WSCD2: variants seen among roughly 807,000 people sequenced by gnomAD.
The protein encoded by WSCD2 is sialate:O-sulfotransferase 2.
A neutral mutation model predicts 55.7 loss-of-function variants in WSCD2; 28 were observed. The ratio of observed to expected loss-of-function variants is 0.50; its 90% CI spans 0.37 to 0.69. The LOEUF is 0.69. Ranked by LOEUF, WSCD2 falls within the 30% of genes least tolerant of loss-of-function variation. WSCD2 has a pLI of 0.00. For missense variants in WSCD2, 616 were observed against 762.1 expected (o/e 0.81, Z 2.26); for synonymous variants, 301 against 301.9 (o/e 1.00, Z 0.03).
At chr12:108,142,836 C>G (rs905138922) in intron 1 of WSCD2, among the ~76,000 whole-genome samples, 2 of 151,872 alleles carry the variant, frequency 1.3e-5, no homozygotes, top group African/African-American at 4.8e-5. Context: ...TCTTTAGAGA[C>G]AAGGTCTTGC....
Position 108,195,964 on chromosome 12 carries a change from T to G in WSCD2, c.132T>G (p.Ala44=). The change falls in exon 2 of 9, where the codon GCT becomes GCG. Residue 44 remains alanine, a synonymous_variant. Coordinates refer to ENST00000547525, the MANE Select transcript of WSCD2 (RefSeq NM_014653.4). ...ACTCTGGCTTTGTGGGCCAGCCCGC[T>G]GTCTCGGGGAACCAGGCGAACCCCG... ...FLHSGFVGQP[A]VSGNQANPAA... is the part of the protein sequence containing the mutation. 1.2e-6 allele frequency: 2 copies of G among 1,614,196 alleles called. No individual in the cohort carries two copies. Among genetic ancestry groups the G allele is most frequent in the Non-Finnish European group, 1.7e-6 (2 of 1,180,036 alleles).
intron 1 of WSCD2, among the ~76,000 whole-genome samples, chr12:108,156,180 T>C (rs79741842): frequency 6.6e-6 from 1 of 152,334 alleles, no homozygotes; most frequent in East Asian, 1.9e-4. Flanking sequence ...GCAGTAGATT[T>C]GGTTCTTCAC....
At chr12:108,235,695 G>A (rs575715712) in intron 7 of WSCD2, among the ~76,000 whole-genome samples, 3 of 152,196 alleles carry the variant, frequency 2.0e-5, no homozygotes, top group Non-Finnish European at 4.4e-5. Context: ...GCCTCAAGCT[G>A]TGACTAGTTA....
intron 8 of WSCD2, among the ~76,000 whole-genome samples, chr12:108,240,953 G>T (rs1465470935): frequency 2.0e-5 from 3 of 152,184 alleles, no homozygotes; most frequent in Non-Finnish European, 4.4e-5. Flanking sequence ...ACACTCAGTA[G>T]GTGTGACTTT....
chr12:108,161,860 C>T (rs1453255245), intron 1 of WSCD2, among the ~76,000 whole-genome samples: 1 of 152,180 alleles, frequency 6.6e-6, no homozygotes, highest in Non-Finnish European at 1.5e-5. Flanking sequence ...CTTTCCCACT[C>T]TGGGCCCTCA....
At chr12:108,165,697 C>A (rs972232370) in intron 1 of WSCD2, among the ~76,000 whole-genome samples, 4 of 152,176 alleles carry the variant, frequency 2.6e-5, no homozygotes, top group Non-Finnish European at 4.4e-5. Flanking sequence ...AATCAGCACA[C>A]CACCCTTGCA....
intron 4 of WSCD2, among the ~76,000 whole-genome samples, chr12:108,224,494 G>A (rs994701373): frequency 2.6e-5 from 4 of 152,226 alleles, no homozygotes; most frequent in Non-Finnish European, 4.4e-5. Context: ...TCATCTCAGC[G>A]ACCTGGGTTG....
At chr12:108,166,745 C>CTTTT (rs1482889768) in intron 1 of WSCD2, among the ~76,000 whole-genome samples, 1 of 49,460 alleles carries the variant, frequency 2.0e-5, no homozygotes, top group Non-Finnish European at 4.3e-5. Flanking sequence ...TCTTTCTTTC[C>CTTTT]TTCTTTCTTT....
At chr12:108,148,252 G>A (rs1021395860) in intron 1 of WSCD2, among the ~76,000 whole-genome samples, 17 of 152,164 alleles carry the variant, frequency 1.1e-4, no homozygotes, top group Admixed American at 2.0e-4. Flanking sequence ...GACATTTGCC[G>A]AACACCCCCT....
At chr12:108,223,907 G>A (rs777241582) in intron 4 of WSCD2, among the ~76,000 whole-genome samples, 15 of 152,282 alleles carry the variant, frequency 9.9e-5, no homozygotes, top group East Asian at 7.7e-4. Context: ...GATCCCTGCC[G>A]TGAGACCAGG....
At chr12:108,211,632 T>C (rs1259257816) in intron 4 of WSCD2, among the ~76,000 whole-genome samples, 8 of 23,078 alleles carry the variant, frequency 3.5e-4, no homozygotes, top group Admixed American at 3.4e-3. Context: ...TCAAATCCCA[T>C]ATATATATAT....
At chr12:108,238,912 A>G (rs996034382) in intron 7 of WSCD2, among the ~76,000 whole-genome samples, 2 of 152,148 alleles carry the variant, frequency 1.3e-5, no homozygotes, top group Non-Finnish European at 2.9e-5. Flanking sequence ...GTTATTGGAC[A>G]TCTCTGCCTC....
chr12:108,248,843 G>A lies in WSCD2; in HGVS notation c.*500G>A, dbSNP rs962485590. On this transcript the variant is annotated 3_prime_UTR_variant, in exon 9 of 9. Transcript: ENST00000547525. This position sits in a 1 kb window ranked among gnomAD's most constrained non-coding sequence, Gnocchi z 4.3. ...GTGCTGGCACCGATGTTTAACTCAG[G>A]CCACCTTCTGTTCTAAAGAAAGATT... is the stretch of plus-strand genomic sequence containing the variant. 14 of 989,296 alleles carry A rather than the reference G, an allele frequency of 1.4e-5. No homozygotes were observed. The highest frequency in any genetic ancestry group is 1.7e-5 in the African/African-American group (1 of 57,276). The allele number at this position is 989,296 out of a possible 1,614,324, so 61.3% of individuals were successfully genotyped here. A position where few individuals can be genotyped will look rare whatever the true frequency, so the allele number is the denominator to read the frequency against.
At chr12:108,219,181 T>C (rs905352447) in intron 4 of WSCD2, among the ~76,000 whole-genome samples, 2 of 152,152 alleles carry the variant, frequency 1.3e-5, no homozygotes, top group Non-Finnish European at 2.9e-5. Flanking sequence ...AAACACCTTA[T>C]GGTAAGACTT....
At chr12:108,167,967 G>A (rs964841794) in intron 1 of WSCD2, among the ~76,000 whole-genome samples, 20 of 152,180 alleles carry the variant, frequency 1.3e-4, no homozygotes, top group African/African-American at 4.8e-4. Flanking sequence ...AAATGATCCT[G>A]GGGCTGCAAT....
At chr12:108,144,708 A>G (rs1230722672) in intron 1 of WSCD2, among the ~76,000 whole-genome samples, 1 of 152,190 alleles carries the variant, frequency 6.6e-6, no homozygotes, top group Middle Eastern at 3.2e-3. Context: ...CTGCAGCCCC[A>G]GCAGCCTGGT....
intron 1 of WSCD2, among the ~76,000 whole-genome samples, chr12:108,186,229 T>C (rs1882472761): frequency 6.6e-6 from 1 of 152,176 alleles, no homozygotes; most frequent in Non-Finnish European, 1.5e-5. Flanking sequence ...TTTAGATTCA[T>C]AGCAAAATTG....
chr12:108,213,019 G>C (rs986620027), intron 4 of WSCD2, among the ~76,000 whole-genome samples: 1 of 152,196 alleles, frequency 6.6e-6, no homozygotes, highest in African/African-American at 2.4e-5. Context: ...CTTGGACAAG[G>C]AGAGAGATGG....
chr12:108,202,329 C>T (rs761107099), intron 2 of WSCD2, among the ~76,000 whole-genome samples: 1 of 152,112 alleles, frequency 6.6e-6, no homozygotes, highest in Non-Finnish European at 1.5e-5. Context: ...CATAACATGC[C>T]TGTGTTTTCC....
Sources: gnomAD v4.1 joint callset for allele counts (sites outside exome capture counted in the v4.1 genomes callset) on GRCh38, gnomAD v4.1.1 for gene constraint, Gnocchi (gnomAD v3.1) non-coding constraint, MANE v1.5 for transcripts, NCBI Gene and HGNC (gene_info 2026-07-23, HGNC 2026-07-21) for gene names.